Variants in ART3 observed in about 807,000 individuals in gnomAD.
The protein encoded by ART3 is ADP-ribosyltransferase 3 (inactive).
A neutral mutation model predicts 48.5 loss-of-function variants in ART3; 49 were observed. The observed-to-expected ratio is 1.01, with a 90% CI of 0.80 to 1.28. The LOEUF (loss-of-function observed/expected upper bound fraction) is 1.28. ART3 is among the 50% of genes most tolerant of loss of function. The pLI, the probability that ART3 is intolerant of heterozygous loss-of-function variation, is 0.00. For missense variants in ART3, 438 were observed against 454.3 expected, an observed-to-expected ratio of 0.96 and a Z score of 0.33; for synonymous variants, 145 against 157.2, an observed-to-expected ratio of 0.92 and a Z score of 0.58.
intron 1 of ART3, chr4:76,023,489 G>A: frequency 2.7e-6 from 4 of 1,478,442 alleles, no homozygotes; most frequent in Non-Finnish European, 3.8e-6. Flanking sequence ...AGCAATTGAG[G>A]AATGTCTCAG....
intron 1 of ART3, among the ~76,000 whole-genome samples, chr4:76,039,369 T>G (rs911746387): frequency 6.6e-6 from 1 of 152,194 alleles, no homozygotes; most frequent in African/African-American, 2.4e-5. Flanking sequence ...AAAGAGGTAA[T>G]GCATATTAAT....
chr4:76,070,389 A>T (rs765315197), upstream of ART3, among the ~76,000 whole-genome samples: 4 of 152,164 alleles, frequency 2.6e-5, no homozygotes, highest in African/African-American at 4.8e-5. Context: ...ATTCTAGTGG[A>T]TGTATAGTGG....
intron 1 of ART3, among the ~76,000 whole-genome samples, chr4:76,019,483 G>GCC (rs1732567663): frequency 2.2e-5 from 1 of 44,922 alleles, no homozygotes; most frequent in Non-Finnish European, 5.1e-5. Flanking sequence ...TGATAAAAAA[G>GCC]CAATTCTTGG....
In ART3 at chr4:76,040,012, G is replaced by T. The variant is rs564698220; in HGVS notation, c.-10+28692G>T. 7.9e-5 allele frequency among the ~76,000 whole-genome samples: 12 copies of T among 152,216 alleles called. No individual in the cohort carries two copies. The East Asian group carries it at 2.3e-3, about 29-fold the overall frequency. On this transcript the variant is annotated intron_variant, in intron 1 of 9. Coordinates refer to the ART3 transcript ENST00000341029. The stretch of plus-strand genomic sequence containing the variant: ...GTTTTATTTTCTTCCTTACTGCAAA[G>T]GTAATATCTGATATTTTAAAAAAAC...
chr4:76,035,050 G>A, intron 1 of ART3: 1 of 1,612,118 alleles, frequency 6.2e-7, no homozygotes, highest in South Asian at 1.1e-5. Context: ...AACTTACTTT[G>A]ATTATAAGCC....
chr4:76,076,748 T>A (rs1173805717), intron 2 of ART3, among the ~76,000 whole-genome samples: 1 of 152,192 alleles, frequency 6.6e-6, no homozygotes, highest in Non-Finnish European at 1.5e-5. Flanking sequence ...TTTCCCACAT[T>A]TTTTTTCTGG....
chr4:76,045,178 A>G (rs184812599), intron 1 of ART3, among the ~76,000 whole-genome samples: 22 of 152,012 alleles, frequency 1.4e-4, no homozygotes, highest in Admixed American at 3.9e-4. Context: ...ATCGGTATAT[A>G]GGTTAAGGTC....
At chr4:76,070,993 T>A (rs534046342), upstream of ART3, among the ~76,000 whole-genome samples, 92 of 152,028 alleles carry the variant, frequency 6.1e-4, 1 homozygote, top group African/African-American at 2.2e-3. Context: ...CTCTTTGCTA[T>A]ATTATTAGTT....
At chr4:76,065,053 A>G (rs1719591553) in intron 1 of ART3, among the ~76,000 whole-genome samples, 1 of 152,048 alleles carries the variant, frequency 6.6e-6, no homozygotes, top group Non-Finnish European at 1.5e-5. Flanking sequence ...GCTGGTCTCG[A>G]ACTCCTGAGC....
In ART3 at chr4:76,106,047, G is replaced by A. The variant is rs569517610; in HGVS notation, c.1003+1418G>A. ...TATGTGTAGCTTTTTAAAAGGTGAT[G>A]TGAAAACAGTACACAGGAGCTCATT... On this transcript the variant is annotated intron_variant, in intron 10 of 11. Transcript: ENST00000355810. The A allele has an allele frequency of 3.9e-4, 380 of 985,328 alleles. 5 individuals are homozygous for A. The South Asian group carries it at 0.016, about 41-fold the overall frequency. 61.0% of individuals were successfully genotyped at this position (985,328 alleles called of 1,614,324 possible). A position where few individuals can be genotyped will look rare whatever the true frequency, so the allele number is the denominator to read the frequency against.
At chr4:76,012,074 A>G (rs1413305113) in intron 1 of ART3, 2 of 152,218 alleles carry the variant, frequency 1.3e-5, no homozygotes, top group Non-Finnish European at 2.9e-5. Flanking sequence ...GAAAAATTCC[A>G]GTTCTGTGTC....
At chr4:76,109,268 T>G (rs752938478) in intron 11 of ART3, among the ~76,000 whole-genome samples, 7 of 152,124 alleles carry the variant, frequency 4.6e-5, no homozygotes, top group Non-Finnish European at 8.8e-5. Flanking sequence ...TTTTTAAACT[T>G]TTGTTAACAA....
intron 10 of ART3, chr4:76,105,678 C>A: frequency 9.5e-7 from 1 of 1,051,388 alleles, no homozygotes. Flanking sequence ...TCCGATATCC[C>A]AGTCTGCAAG....
rs1186239361 is a variant in ART3 at position 76,057,134 on chromosome 4, A to G, written c.-9-18747A>G. Among the ~76,000 whole-genome samples the G allele has an allele frequency of 2.0e-5, 3 of 152,070 alleles. No homozygotes were observed. The East Asian group carries it at 5.8e-4, about 29-fold the overall frequency. On this transcript the variant is annotated intron_variant, in intron 1 of 9. Coordinates refer to the ART3 transcript ENST00000341029. ...AACTACAAAATTATGTTTTCTTTTC[A>G]GTATGTTGTATCAGGGTTCATAATA...
At chr4:76,049,510 A>G (rs1444530376) in intron 1 of ART3, among the ~76,000 whole-genome samples, 1 of 151,920 alleles carries the variant, frequency 6.6e-6, no homozygotes, top group Non-Finnish European at 1.5e-5. Context: ...TAGGCAAACC[A>G]ACGGTCCCAA....
At chr4:76,069,777 C>T (rs28671394), upstream of ART3, among the ~76,000 whole-genome samples, 31,357 of 151,550 alleles carry the variant, frequency 0.21, 5,532 homozygotes, top group African/African-American at 0.48. Flanking sequence ...GACATTTGGA[C>T]TGAAATCTAG....
At chr4:76,093,470 G>A (rs918424468) in intron 3 of ART3, among the ~76,000 whole-genome samples, 11 of 152,050 alleles carry the variant, frequency 7.2e-5, no homozygotes, top group Admixed American at 2.0e-4. Context: ...TGAGTCCTCC[G>A]CACCTCGCAT....
At chr4:76,014,634 A>G (rs1404891241) in intron 1 of ART3, among the ~76,000 whole-genome samples, 3 of 152,066 alleles carry the variant, frequency 2.0e-5, no homozygotes, top group Non-Finnish European at 2.9e-5. Flanking sequence ...AAGACTATTC[A>G]CAGAAGTAAT....
intron 1 of ART3, among the ~76,000 whole-genome samples, chr4:76,039,770 A>C (rs1307824755): frequency 6.6e-6 from 1 of 152,226 alleles, no homozygotes; most frequent in African/African-American, 2.4e-5. Context: ...AAATTATTAA[A>C]CATATTTTTA....
Sources: gnomAD v4.1 joint callset for allele counts (sites outside exome capture counted in the v4.1 genomes callset) on GRCh38, gnomAD v4.1.1 for gene constraint, MANE v1.5 for transcripts, NCBI Gene and HGNC (gene_info 2026-07-23, HGNC 2026-07-21) for gene names.